Variants in PTPRQ observed in about 807,000 individuals in gnomAD.
PTPRQ encodes the protein protein tyrosine phosphatase receptor type Q, also known as phosphatidylinositol phosphatase PTPRQ.
In PTPRQ, 199 loss-of-function variants were observed where a neutral mutation model predicts 246.0. That is an observed-to-expected ratio of 0.81 (90% CI 0.72 to 0.91). The LOEUF (loss-of-function observed/expected upper bound fraction) is 0.91, where lower values mean the gene tolerates loss of function less well. Ranked by LOEUF, PTPRQ falls within the 40% of genes least tolerant of loss-of-function variation. The pLI is 0.00. For missense variants in PTPRQ, 2,624 were observed against 2,528.4 expected (o/e 1.04, Z -0.81); for synonymous variants, 869 against 853.2 (o/e 1.02, Z -0.32).
At chr12:80,625,628 A>G (rs1004695305) in intron 33 of PTPRQ, among the ~76,000 whole-genome samples, 4 of 152,190 alleles carry the variant, frequency 2.6e-5, no homozygotes, top group African/African-American at 9.7e-5. Flanking sequence ...TAATGAAAGT[A>G]CAAGTGAGAG....
intron 36 of PTPRQ, 108 bp from the exon 37 acceptor site, chr12:80,649,479 TG>T: frequency 7.4e-7 from 1 of 1,353,630 alleles, no homozygotes; most frequent in South Asian, 2.0e-5. Context: ...TTTGTGATTT[TG>T]GGGATGTCCA....
intron 35 of PTPRQ, 106 bp from the exon 36 acceptor site, chr12:80,648,791 T>A: frequency 1.9e-6 from 2 of 1,040,050 alleles, no homozygotes; most frequent in Non-Finnish European, 2.7e-6. Context: ...GCATAGCACA[T>A]TTTACATTAT....
In PTPRQ at chr12:80,541,597, C is replaced by T. The variant is rs1163318954; in HGVS notation, c.3197C>T (p.Ser1066Leu). The part of the protein sequence containing the change: ...FVGNLTYESI[S>L]STAINVSWVP... The stretch of plus-strand genomic sequence containing the variant: ...GGAAACCTGACTTACGAATCCATTT[C>T]GTCAACTGCAATAAATGTAAGCTGG... The change falls in exon 21 of 45, where the codon TCG (serine) becomes TTG (leucine). Residue 1066 changes from serine to leucine, a missense_variant. Transcript: ENST00000644991. The T allele has an allele frequency of 2.3e-5, 35 of 1,539,202 alleles. No individual in the cohort carries two copies. Among genetic ancestry groups the T allele is most frequent in the Admixed American group, 1.4e-4 (7 of 49,596 alleles).
At chr12:80,577,595 C>T (rs577660473) in intron 25 of PTPRQ, among the ~76,000 whole-genome samples, 10 of 152,132 alleles carry the variant, frequency 6.6e-5, no homozygotes, top group Admixed American at 2.6e-4. Flanking sequence ...TTCCTTGTAA[C>T]GATCCCTAAA....
rs1894945848 is a variant in PTPRQ at position 80,506,005 on chromosome 12, A to G, written c.2273-19A>G. On this transcript the variant is annotated intron_variant, in intron 14 of 44. Transcript: ENST00000644991. Reference sequence around the variant, plus strand: ...TAGAATGGAATTGTTTTATGTATCTATATTTTTGTTTCTTTCAGTGCCTGA... The same window carrying G: ...TAGAATGGAATTGTTTTATGTATCTGTATTTTTGTTTCTTTCAGTGCCTGA... 3 of 1,532,378 alleles carry G rather than the reference A, an allele frequency of 2.0e-6. No homozygotes were observed. The highest frequency in any genetic ancestry group is 2.6e-5 in the South Asian group (2 of 78,080). 94.9% of individuals were successfully genotyped at this position (1,532,378 alleles called of 1,614,324 possible).
At chr12:80,656,828 C>T (rs879685548) in intron 38 of PTPRQ, among the ~76,000 whole-genome samples, 1 of 149,830 alleles carries the variant, frequency 6.7e-6, no homozygotes, top group African/African-American at 2.5e-5. Flanking sequence ...ATTTGTTGTT[C>T]CAACGACAAC....
intron 3 of PTPRQ, among the ~76,000 whole-genome samples, chr12:80,449,370 T>C (rs1488204805): frequency 6.6e-6 from 1 of 152,220 alleles, no homozygotes; most frequent in Non-Finnish European, 1.5e-5. Flanking sequence ...GCAGAAGCTC[T>C]TTAGTTTAAT....
intron 16 of PTPRQ, among the ~76,000 whole-genome samples, chr12:80,510,061 A>G (rs1315518949): frequency 6.6e-6 from 1 of 152,112 alleles, no homozygotes; most frequent in African/African-American, 2.4e-5. Flanking sequence ...TAGGTGAGTC[A>G]CTGTGACATA....
rs530061330 is a variant in PTPRQ, at chr12:80,646,040, T to C, written c.5916-2857T>C. Among the ~76,000 whole-genome samples the C allele has an allele frequency of 1.2e-4, 19 of 152,308 alleles. No homozygotes were observed. The South Asian group carries it at 3.5e-3, about 28-fold the overall frequency. On this transcript the variant is annotated intron_variant, in intron 35 of 44. Transcript: ENST00000644991. Reference sequence around the variant, plus strand: ...GTGACTACTATATTTTAGCACAATATAGTCTATCCATCTTTGAGTAAAATT... The same window carrying C: ...GTGACTACTATATTTTAGCACAATACAGTCTATCCATCTTTGAGTAAAATT...
intron 17 of PTPRQ, among the ~76,000 whole-genome samples, chr12:80,523,962 G>C (rs1346617387): frequency 1.3e-5 from 2 of 152,024 alleles, no homozygotes; most frequent in African/African-American, 4.8e-5. Flanking sequence ...GTTGACAGGG[G>C]GTGTTAAAGT....
In PTPRQ at chr12:80,471,474, A is replaced by T. The variant is rs867819357; in HGVS notation, c.1040-631A>T. Among the ~76,000 whole-genome samples, 123 of 73,192 alleles carry T rather than the reference A, an allele frequency of 1.7e-3. 2 individuals are homozygous for T. The South Asian group carries it at 0.022, about 13-fold the overall frequency. The allele number at this position is 73,192 out of a possible 152,430, so 48.0% of individuals were successfully genotyped here. ...ATAGAAGATAATGAAATTATTTAGCATTTTTTTTTTTTTTTTTATTTGAGA... is the reference window on the plus strand; with the variant it reads ...ATAGAAGATAATGAAATTATTTAGCTTTTTTTTTTTTTTTTTTATTTGAGA... On this transcript the variant is annotated intron_variant, in intron 7 of 44. Transcript: ENST00000644991.
intron 43 of PTPRQ, among the ~76,000 whole-genome samples, chr12:80,673,770 C>A (rs957953691): frequency 6.6e-6 from 1 of 151,914 alleles, no homozygotes; most frequent in East Asian, 1.9e-4. Context: ...TATTGTAGCA[C>A]GCTATCAACT....
At chr12:80,466,256 G>A (rs201581029) in intron 6 of PTPRQ, among the ~76,000 whole-genome samples, 29 of 152,176 alleles carry the variant, frequency 1.9e-4, no homozygotes, top group African/African-American at 3.1e-4. Context: ...CCCATTCACA[G>A]TTGCTTCAAA....
chr12:80,517,544 A>C (rs1232235159), intron 17 of PTPRQ, among the ~76,000 whole-genome samples: 1 of 152,022 alleles, frequency 6.6e-6, no homozygotes, highest in Non-Finnish European at 1.5e-5. Context: ...ATAATGTACA[A>C]TTAATTATTA....
At chr12:80,576,206 A>G (rs1016636709) in intron 25 of PTPRQ, among the ~76,000 whole-genome samples, 1 of 152,064 alleles carries the variant, frequency 6.6e-6, no homozygotes, top group African/African-American at 2.4e-5. Flanking sequence ...CAGTGGCACA[A>G]TCTCGGCTCA....
intron 25 of PTPRQ, among the ~76,000 whole-genome samples, chr12:80,556,880 G>T (rs17006930): frequency 0.05 from 7,611 of 152,186 alleles, 673 homozygotes; most frequent in African/African-American, 0.17. Flanking sequence ...ACAGAGGAGG[G>T]TATTTTATTA....
intron 17 of PTPRQ, among the ~76,000 whole-genome samples, chr12:80,510,983 A>G (rs1895109169): frequency 1.3e-5 from 2 of 152,170 alleles, no homozygotes; most frequent in African/African-American, 4.8e-5. Context: ...GTTAGTTAGC[A>G]TGCTTATACT....
At chr12:80,542,695 T>C (rs1009760076) in intron 22 of PTPRQ, 35 bp from the exon 23 acceptor site, 5 of 1,517,926 alleles carry the variant, frequency 3.3e-6, no homozygotes, top group Non-Finnish European at 4.4e-6. Flanking sequence ...TTAAAAGTTT[T>C]ATGAATGTAA....
intron 8 of PTPRQ, among the ~76,000 whole-genome samples, chr12:80,476,059 TC>T (rs1486078777): frequency 6.6e-6 from 1 of 152,028 alleles, no homozygotes; most frequent in African/African-American, 2.4e-5. Flanking sequence ...TTTTTTTTTT[TC>T]AGTTGAGATT....
Sources: gnomAD v4.1 joint callset for allele counts (sites outside exome capture counted in the v4.1 genomes callset) on GRCh38, gnomAD v4.1.1 for gene constraint, MANE v1.5 for transcripts, NCBI Gene and HGNC (gene_info 2026-07-23, HGNC 2026-07-21) for gene names.